Variants in TACO1 observed in about 807,000 individuals in gnomAD.
TACO1 encodes the protein translational activator of cytochrome c oxidase 1.
TACO1 carries 13 observed loss-of-function variants against 24.0 expected under a neutral mutation model. The ratio of observed to expected loss-of-function variants is 0.54; its 90% CI spans 0.35 to 0.86. The LOEUF (loss-of-function observed/expected upper bound fraction) is 0.86, where lower values mean the gene tolerates loss of function less well. Among genes scored for constraint, TACO1 ranks in the 40% least tolerant of loss-of-function variants. TACO1 has a pLI of 0.01. For synonymous variants in TACO1, 149 were observed against 153.5 expected (o/e 0.97, Z 0.22); for missense variants, 352 against 380.1 (o/e 0.93, Z 0.61).
At chr17:63,601,666 C>T (rs564009459) in intron 1 of TACO1, among the ~76,000 whole-genome samples, 5 of 152,164 alleles carry the variant, frequency 3.3e-5, no homozygotes, top group African/African-American at 9.7e-5. Context: ...TTAATAGAAA[C>T]AAGCCCTAAG....
At chr17:63,601,855 T>C (rs934698142) in intron 1 of TACO1, among the ~76,000 whole-genome samples, 1 of 152,116 alleles carries the variant, frequency 6.6e-6, no homozygotes, top group Non-Finnish European at 1.5e-5. Flanking sequence ...CCTTGGAAGG[T>C]AGATTTGCAG....
At chr17:63,603,964 A>G (rs2033841784) in intron 1 of TACO1, among the ~76,000 whole-genome samples, 1 of 151,580 alleles carries the variant, frequency 6.6e-6, no homozygotes. Context: ...GGCTACAGTG[A>G]GCTAAAATCA....
At position 63,601,161 on chromosome 17, in the gene TACO1, G is replaced by A; in HGVS notation, c.78G>A (p.Ala26=). 7.8e-6 allele frequency: 12 copies of A among 1,545,276 alleles called. No homozygotes were observed. Among genetic ancestry groups the A allele is most frequent in the Non-Finnish European group, 1.0e-5 (12 of 1,145,688 alleles). Residue 26 remains alanine, a synonymous_variant, in exon 1 of 5, where the codon GCG becomes GCA. Coordinates refer to ENST00000258975, the MANE Select transcript of TACO1 (RefSeq NM_016360.4). ...TGGCACGAGGCCCCGGGGTCAGGGCGGCTCCTCCGCGCGACCCCCGGCCCT... is the reference window on the plus strand; with the variant it reads ...TGGCACGAGGCCCCGGGGTCAGGGCAGCTCCTCCGCGCGACCCCCGGCCCT... ...CLLARGPGVR[A]APPRDPRPSH...
At position 63,605,383 on chromosome 17, in the gene TACO1, G is replaced by A. The variant is rs191363944; in HGVS notation, c.387+743G>A. On this transcript the variant is annotated intron_variant, in intron 2 of 4. Coordinates refer to ENST00000258975, the MANE Select transcript of TACO1 (RefSeq NM_016360.4). The stretch of plus-strand genomic sequence containing the variant: ...TCCACGTAAGGGTACACCTTTCTCT[G>A]GGGCAGGTAGGGAGGCTCTGAGGAA... Among the ~76,000 whole-genome samples the A allele has an allele frequency of 9.1e-4, 138 of 152,230 alleles. 1 individual carries two copies. Among genetic ancestry groups the A allele is most frequent in the African/African-American group, 3.0e-3 (125 of 41,546 alleles).
chr17:63,606,660 C>T (rs2033864717), intron 3 of TACO1: 1 of 561,236 alleles, frequency 1.8e-6, no homozygotes, highest in Non-Finnish European at 3.2e-6. Context: ...ATTCTCCTGC[C>T]TCAGCCTCCT....
intron 3 of TACO1, 120 bp from the exon 4 acceptor site, chr17:63,607,167 C>T: frequency 1.1e-6 from 1 of 935,678 alleles, no homozygotes; most frequent in South Asian, 1.4e-5. Flanking sequence ...GCGATCTGCT[C>T]CATGTCTGTG....
At chr17:63,601,834 A>T (rs1040615019) in intron 1 of TACO1, among the ~76,000 whole-genome samples, 2 of 152,128 alleles carry the variant, frequency 1.3e-5, no homozygotes, top group Admixed American at 1.3e-4. Context: ...ATGTTTCCCC[A>T]AGACACATTT....
chr17:63,606,931 A>G, intron 3 of TACO1: 1 of 392,592 alleles, frequency 2.5e-6, no homozygotes, highest in Non-Finnish European at 4.8e-6. Flanking sequence ...GATCCCAAAG[A>G]CTTGTTCATC....
At chr17:63,606,639 G>C in intron 3 of TACO1, 199 bp downstream of exon 3, 3 of 611,568 alleles carry the variant, frequency 4.9e-6, no homozygotes, top group Non-Finnish European at 8.7e-6. Flanking sequence ...TCTGCTTTCT[G>C]GGTTCAAGTG....
At position 63,606,309 on chromosome 17, in the gene TACO1, G is replaced by A; in HGVS notation, c.388-4G>A. 1 of 1,613,034 alleles carries A rather than the reference G, an allele frequency of 6.2e-7. No individual in the cohort carries two copies. The highest frequency in any genetic ancestry group is 8.5e-7 in the Non-Finnish European group (1 of 1,180,026). Reference sequence around the variant, plus strand: ...GGAAAATGTGCTTGTGTTGTTTATTGCAGAAATCCAAGGACACTTATTTGC... The same window carrying A: ...GGAAAATGTGCTTGTGTTGTTTATTACAGAAATCCAAGGACACTTATTTGC... On this transcript the variant is annotated splice_region_variant and splice_polypyrimidine_tract_variant and intron_variant, in intron 2 of 4. Transcript: ENST00000258975.
At chr17:63,607,156 TGC>T in intron 3 of TACO1, 129 bp from the exon 4 acceptor site, 1 of 846,422 alleles carries the variant, frequency 1.2e-6, no homozygotes, top group Non-Finnish European at 1.9e-6. Flanking sequence ...TCCTTGAGGA[TGC>T]GATCTGCTCC....
At chr17:63,603,428 A>G (rs1476474009) in intron 1 of TACO1, among the ~76,000 whole-genome samples, 1 of 151,766 alleles carries the variant, frequency 6.6e-6, no homozygotes, top group Non-Finnish European at 1.5e-5. Flanking sequence ...AGTTCTGGCC[A>G]GGCACGGTGC....
At chr17:63,602,688 G>C (rs1394735505) in intron 1 of TACO1, among the ~76,000 whole-genome samples, 1 of 151,798 alleles carries the variant, frequency 6.6e-6, no homozygotes, top group Non-Finnish European at 1.5e-5. Flanking sequence ...CACCATGCCT[G>C]GCTAAATTTT....
intron 1 of TACO1, among the ~76,000 whole-genome samples, chr17:63,602,262 CAAAAA>C (rs897099348): frequency 1.7e-5 from 1 of 60,402 alleles, no homozygotes; most frequent in Non-Finnish European, 3.3e-5. Context: ...GACTCCATCT[CAAAAA>C]AAAAAAAAAA....
rs73333834 is a variant in TACO1, at chr17:63,607,155, A to G, written c.516-132A>G. On this transcript the variant is annotated intron_variant, in intron 3 of 4. Transcript: ENST00000258975. ...CAGCAGCTGCATTTTCTCCTTGAGGATGCGATCTGCTCCATGTCTGTGTGT... is the reference window on the plus strand; with the variant it reads ...CAGCAGCTGCATTTTCTCCTTGAGGGTGCGATCTGCTCCATGTCTGTGTGT... 6.2e-3 allele frequency: 5,260 copies of G among 843,288 alleles called. 167 individuals carry two copies. In the African/African-American group the frequency reaches 0.078, roughly 13 times the overall value. 52.2% of individuals were successfully genotyped at this position (843,288 alleles called of 1,614,324 possible). A position where few individuals can be genotyped will look rare whatever the true frequency, so the allele number is the denominator to read the frequency against.
rs767333469 is a variant in TACO1 at position 63,601,261 on chromosome 17, CACA to C, written c.183_185del (p.Asn61del). 7.4e-6 allele frequency: 12 copies of C among 1,611,388 alleles called. No individual in the cohort carries two copies. Among genetic ancestry groups the C allele is most frequent in the South Asian group, 2.2e-5 (2 of 90,710 alleles). On this transcript the variant is annotated inframe_deletion, in exon 1 of 5. Transcript: ENST00000258975. ...CTTTACCGCGGCTGTCCCCGCCGGG[CACA>C]ACAAGTGGTCCAAAGTCAGGCACAT...
chr17:63,607,747 G>A (rs1248241149), intron 4 of TACO1, 55 bp from the exon 5 acceptor site: 1 of 1,529,518 alleles, frequency 6.5e-7, no homozygotes. Flanking sequence ...GGTCCTGTGT[G>A]GCTTTGTCTC....
rs1466558587 is a variant in TACO1 at position 63,607,704 on chromosome 17, TC to T, written c.694-96del. On this transcript the variant is annotated intron_variant, in intron 4 of 4. Coordinates refer to ENST00000258975, the MANE Select transcript of TACO1 (RefSeq NM_016360.4). The stretch of plus-strand genomic sequence containing the variant: ...CCAGTGAAGAGCTCAAACCCAGTGA[TC>T]CATTCCAGTACTGACATTCAGGACT... The T allele has an allele frequency of 1.5e-5, 18 of 1,193,702 alleles. No individual in the cohort carries two copies. In the Admixed American group the frequency reaches 1.7e-4, roughly 11 times the overall value. 73.9% of individuals were successfully genotyped at this position (1,193,702 alleles called of 1,614,324 possible).
In TACO1 at chr17:63,607,103, A is replaced by G. The variant is rs1568112462; in HGVS notation, c.516-184A>G. On this transcript the variant is annotated intron_variant, in intron 3 of 4. Coordinates refer to ENST00000258975, the MANE Select transcript of TACO1 (RefSeq NM_016360.4). ...TCAGGGCAGAAAATCGAGCGTGGGGACATTCTTGGGCTGTTCCCTTACCCA... is the reference window on the plus strand; with the variant it reads ...TCAGGGCAGAAAATCGAGCGTGGGGGCATTCTTGGGCTGTTCCCTTACCCA... 4.7e-6 allele frequency: 3 copies of G among 642,134 alleles called. No individual in the cohort carries two copies. The East Asian group carries it at 8.3e-5, about 18-fold the overall frequency. 39.8% of individuals were successfully genotyped at this position (642,134 alleles called of 1,614,324 possible). A position where few individuals can be genotyped will look rare whatever the true frequency, so the allele number is the denominator to read the frequency against.
Sources: gnomAD v4.1 joint callset for allele counts (sites outside exome capture counted in the v4.1 genomes callset) on GRCh38, gnomAD v4.1.1 for gene constraint, MANE v1.5 for transcripts, NCBI Gene and HGNC (gene_info 2026-07-23, HGNC 2026-07-21) for gene names.